The following MCCC1 variants were observed in gnomAD, a reference collection of about 807,000 sequenced individuals.
MCCC1 encodes methylcrotonoyl-CoA carboxylase subunit alpha, mitochondrial.
MCCC1 carries 64 observed loss-of-function variants against 83.8 expected under a neutral mutation model. The observed-to-expected ratio is 0.76, with a 90% confidence interval of 0.62 to 0.94. The LOEUF (loss-of-function observed/expected upper bound fraction) is 0.94, where lower values mean the gene tolerates loss of function less well. Among genes scored for constraint, MCCC1 ranks in the 40% least tolerant of loss-of-function variants. The pLI, the probability that MCCC1 is intolerant of heterozygous loss-of-function variation, is 0.00. For missense variants in MCCC1, 807 were observed against 904.7 expected, an observed-to-expected ratio of 0.89 and a Z score of 1.39; for synonymous variants, 322 against 315.4, an observed-to-expected ratio of 1.02 and a Z score of -0.22.
chr3:183,113,045 G>A (rs1344000997), intron 1 of MCCC1, among the ~76,000 whole-genome samples: 2 of 152,040 alleles, frequency 1.3e-5, no homozygotes, highest in East Asian at 1.9e-4. Flanking sequence ...CCAAGATGGT[G>A]AAACTCCGTC....
At chr3:183,093,594 C>G (rs954737524) in intron 2 of MCCC1, among the ~76,000 whole-genome samples, 10 of 151,998 alleles carry the variant, frequency 6.6e-5, no homozygotes, top group Non-Finnish European at 8.8e-5. Context: ...TGTTCTTTGA[C>G]AGTTCATAAT....
chr3:183,103,482 G>C (rs774553076), upstream of MCCC1, among the ~76,000 whole-genome samples: 2 of 152,108 alleles, frequency 1.3e-5, no homozygotes, highest in Non-Finnish European at 2.9e-5. Context: ...AGATTAGCTA[G>C]ATACGGAGTA....
At chr3:183,084,142 C>G (rs1297019353) in intron 4 of MCCC1, among the ~76,000 whole-genome samples, 1 of 152,212 alleles carries the variant, frequency 6.6e-6, no homozygotes, top group Non-Finnish European at 1.5e-5. Context: ...AGCAATCCTC[C>G]TGCCTCAGCC....
At chr3:183,049,615 C>T (rs1001051514) in intron 9 of MCCC1, among the ~76,000 whole-genome samples, 3 of 149,886 alleles carry the variant, frequency 2.0e-5, no homozygotes, top group Admixed American at 2.0e-4. Flanking sequence ...AGCACAATAA[C>T]CTTTAGCCAG....
Position 183,037,329 on chromosome 3 carries a change from G to A in MCCC1, c.1483C>T (p.Gln495Ter), listed in dbSNP as rs1713700813. ...HTDFIPQHHK[Q>*]LLLSRKAAAK... ...GCAGCCTTCCGACTGAGCAACAACT[G>A]TTTGTGGTGTTGAGGGATGAAATCA... Residue 495 changes from glutamine (Q) to a stop codon, truncating the protein, a stop_gained, in exon 13 of 19, where the codon CAG (glutamine) becomes TAG (stop). Coordinates refer to ENST00000265594, the MANE Select transcript of MCCC1 (RefSeq NM_020166.5). LOFTEE classifies it high-confidence loss of function. The A allele has an allele frequency of 1.2e-6, 2 of 1,614,026 alleles. No homozygotes were observed. The highest frequency in any genetic ancestry group is 2.7e-5 in the African/African-American group (2 of 74,914).
intron 4 of MCCC1, among the ~76,000 whole-genome samples, chr3:183,082,803 C>T (rs1336032761): frequency 6.6e-6 from 1 of 152,074 alleles, no homozygotes. Flanking sequence ...CACAGTGAGA[C>T]TTTGTTTCAA....
intron 4 of MCCC1, among the ~76,000 whole-genome samples, chr3:183,078,787 A>G (rs995685396): frequency 1.5e-4 from 23 of 152,228 alleles, no homozygotes; most frequent in African/African-American, 5.5e-4. Flanking sequence ...TGATAAAGAC[A>G]TATCCCAGAC....
At chr3:183,112,717 G>A (rs1177015968) in intron 1 of MCCC1, among the ~76,000 whole-genome samples, 2 of 152,004 alleles carry the variant, frequency 1.3e-5, no homozygotes, top group African/African-American at 4.8e-5. Context: ...ATGTATACCA[G>A]CATGCAAACC....
intron 14 of MCCC1, among the ~76,000 whole-genome samples, chr3:183,030,689 A>G (rs1712992426): frequency 6.6e-6 from 1 of 152,216 alleles, no homozygotes; most frequent in South Asian, 2.1e-4. Context: ...CTTGACCATC[A>G]TGCTCTCCAG....
intron 9 of MCCC1, among the ~76,000 whole-genome samples, chr3:183,050,133 C>T (rs1305185448): frequency 6.6e-6 from 1 of 150,606 alleles, no homozygotes; most frequent in African/African-American, 2.4e-5. Context: ...CAGGAGGATC[C>T]CTTGGGGCCA....
intron 1 of MCCC1, among the ~76,000 whole-genome samples, chr3:183,109,674 A>ACT (rs1169847506): frequency 3.5e-4 from 54 of 152,176 alleles, no homozygotes; most frequent in Non-Finnish European, 5.7e-4. Context: ...ACCTAGGTTG[A>ACT]CTGCATGTCT....
intron 1 of MCCC1, among the ~76,000 whole-genome samples, chr3:183,115,167 A>T (rs1267338101): frequency 6.6e-6 from 1 of 152,092 alleles, no homozygotes; most frequent in Non-Finnish European, 1.5e-5. Context: ...CATGGAAAAC[A>T]ATCCTCTAGC....
intron 15 of MCCC1, 53 bp downstream of exon 15, chr3:183,025,702 T>C: frequency 1.4e-6 from 2 of 1,478,772 alleles, no homozygotes; most frequent in East Asian, 4.5e-5. Flanking sequence ...CTATTCAGTA[T>C]AAAAGCGGTC....
intron 4 of MCCC1, among the ~76,000 whole-genome samples, chr3:183,079,491 A>G (rs1364478357): frequency 6.6e-6 from 1 of 152,222 alleles, no homozygotes; most frequent in African/African-American, 2.4e-5. Context: ...ACATGGATGC[A>G]AGAGGTGGGT....
chr3:183,020,642 T>A (rs934366340), intron 16 of MCCC1, among the ~76,000 whole-genome samples: 2 of 151,152 alleles, frequency 1.3e-5, no homozygotes, highest in Admixed American at 6.6e-5. Flanking sequence ...AAAAAAAAAA[T>A]AAATTAGTCA....
Position 183,092,433 on chromosome 3 carries a change from G to A in MCCC1, c.249C>T (p.Asp83=). ...VQTVAVYSEA[D]RNSMHVDMAD... is the part of the protein sequence containing the mutation. ...CCATATCTACATGCATGGAATTTCT[G>A]TCAGCCTCACTATAAACCGCCACAG... Residue 83 remains aspartate (D), a synonymous_variant, in exon 3 of 19, where the codon GAC becomes GAT. Coordinates refer to ENST00000265594, the MANE Select transcript of MCCC1 (RefSeq NM_020166.5). The A allele has an allele frequency of 6.2e-7, 1 of 1,614,186 alleles. No homozygotes were observed. The highest frequency in any genetic ancestry group is 8.5e-7 in the Non-Finnish European group (1 of 1,180,038).
chr3:183,027,792 T>C (rs1183395628), intron 14 of MCCC1, among the ~76,000 whole-genome samples: 1 of 152,186 alleles, frequency 6.6e-6, no homozygotes, highest in African/African-American at 2.4e-5. Context: ...CTAACTCTCT[T>C]CAATTCAATT....
chr3:183,088,966 TACAC>T (rs1407668637), intron 3 of MCCC1, among the ~76,000 whole-genome samples: 1 of 152,230 alleles, frequency 6.6e-6, no homozygotes, highest in East Asian at 1.9e-4. Flanking sequence ...GACATTCCTG[TACAC>T]GCTTCTCTTA....
intron 7 of MCCC1, among the ~76,000 whole-genome samples, chr3:183,070,365 C>A (rs1160788695): frequency 1.3e-5 from 2 of 152,088 alleles, no homozygotes; most frequent in African/African-American, 4.8e-5. Flanking sequence ...ACCGCTAGGT[C>A]ACCAACAAAA....
Sources: gnomAD v4.1 joint callset for allele counts (sites outside exome capture counted in the v4.1 genomes callset) on GRCh38, gnomAD v4.1.1 for gene constraint, MANE v1.5 for transcripts, NCBI Gene and HGNC (gene_info 2026-07-23, HGNC 2026-07-21) for gene names.